CAPZB: variants seen among roughly 807,000 people sequenced by gnomAD.
The protein encoded by CAPZB is F-actin-capping protein subunit beta.
A neutral mutation model predicts 38.1 loss-of-function variants in CAPZB; 2 were observed. The ratio of observed to expected loss-of-function variants is 0.05; its 90% CI spans 0.02 to 0.17. The LOEUF (loss-of-function observed/expected upper bound fraction) is 0.17, where lower values mean the gene tolerates loss of function less well. Ranked by LOEUF, CAPZB falls within the 10% of genes least tolerant of loss-of-function variation. CAPZB has a pLI of 1.00. For missense variants in CAPZB, 161 were observed against 334.2 expected (o/e 0.48, Z 4.04); for synonymous variants, 107 against 127.4 (o/e 0.84, Z 1.08).
chr1:19,442,009 C>CA (rs11384902), intron 1 of CAPZB, among the ~76,000 whole-genome samples: 47,022 of 85,738 alleles, frequency 0.55, 13,996 homozygotes, highest in Non-Finnish European at 0.62. Flanking sequence ...ACTCTGTCTC[C>CA]AAAAAAAAAA....
chr1:19,402,845 C>T (rs1368309596), intron 2 of CAPZB, among the ~76,000 whole-genome samples: 5 of 152,010 alleles, frequency 3.3e-5, no homozygotes, highest in East Asian at 1.9e-4. Context: ...GTCAGGAGTT[C>T]GAGACCAGCA....
intron 4 of CAPZB, among the ~76,000 whole-genome samples, chr1:19,361,761 CGTT>C (rs1269642108): frequency 6.6e-6 from 1 of 152,150 alleles, no homozygotes; most frequent in Non-Finnish European, 1.5e-5. Flanking sequence ...TGTGCTAAAA[CGTT>C]GTCTGAAACC....
At chr1:19,476,358 G>A (rs1324372501) in intron 1 of CAPZB, among the ~76,000 whole-genome samples, 1 of 152,050 alleles carries the variant, frequency 6.6e-6, no homozygotes, top group Non-Finnish European at 1.5e-5. Context: ...TGAGGCTACA[G>A]TGAGCCAAGA....
At chr1:19,457,346 C>T (rs531588890) in intron 1 of CAPZB, among the ~76,000 whole-genome samples, 3 of 152,140 alleles carry the variant, frequency 2.0e-5, no homozygotes, top group Non-Finnish European at 2.9e-5. Context: ...CCGCAGTGCT[C>T]GCTTCCGGGC....
chr1:19,379,428 T>C (rs2094162109), intron 3 of CAPZB, among the ~76,000 whole-genome samples: 1 of 152,230 alleles, frequency 6.6e-6, no homozygotes, highest in South Asian at 2.1e-4. Context: ...GTTCAACAGA[T>C]GCCCCTCTCT....
intron 4 of CAPZB, among the ~76,000 whole-genome samples, chr1:19,367,566 G>A (rs1458430126): frequency 6.6e-6 from 1 of 152,202 alleles, no homozygotes; most frequent in Non-Finnish European, 1.5e-5. Flanking sequence ...AACCACCCTT[G>A]TTTGTGTGTT....
intron 1 of CAPZB, among the ~76,000 whole-genome samples, chr1:19,469,590 T>C (rs1451012468): frequency 6.6e-6 from 1 of 151,964 alleles, no homozygotes; most frequent in African/African-American, 2.4e-5. Context: ...CAGAGGGCTC[T>C]GGGGACAGGC....
chr1:19,479,321 T>C (rs969441074), intron 1 of CAPZB, among the ~76,000 whole-genome samples: 1 of 152,208 alleles, frequency 6.6e-6, no homozygotes, highest in African/African-American at 2.4e-5. Context: ...CAGAACCTAA[T>C]GCTGTGTGCA....
chr1:19,405,001 T>C (rs1301824620), intron 2 of CAPZB, among the ~76,000 whole-genome samples: 1 of 152,096 alleles, frequency 6.6e-6, no homozygotes, highest in Non-Finnish European at 1.5e-5. Context: ...CCCAGCTAAC[T>C]CATGACTCCG....
At chr1:19,447,085 T>C (rs1328429412) in intron 1 of CAPZB, among the ~76,000 whole-genome samples, 1 of 152,112 alleles carries the variant, frequency 6.6e-6, no homozygotes. Context: ...CACTCAAGAT[T>C]ATGGTGGCCC....
chr1:19,475,599 A>G (rs946110750), intron 1 of CAPZB, among the ~76,000 whole-genome samples: 6 of 152,186 alleles, frequency 3.9e-5, no homozygotes, highest in African/African-American at 1.4e-4. Flanking sequence ...CTCGACTGAG[A>G]GCCTGACACT....
Position 19,357,749 on chromosome 1 carries a change from G to A in CAPZB, c.330-186C>T, listed in dbSNP as rs933294622. On this transcript the variant is annotated intron_variant, in intron 4 of 8. Coordinates refer to ENST00000264202, the MANE Select transcript of CAPZB (RefSeq NM_004930.5). This position sits in a 1 kb window ranked among gnomAD's most constrained non-coding sequence, Gnocchi z 4.3. ...GAGGGGGTGCAGCATTCCTGGGGGT[G>A]TAGTAGGTTTAGGCGTCATAAAGAT... Among the ~76,000 whole-genome samples the A allele has an allele frequency of 6.6e-6, 1 of 152,058 alleles. No individual in the cohort carries two copies. The highest frequency in any genetic ancestry group is 6.6e-5 in the Admixed American group (1 of 15,258).
intron 2 of CAPZB, among the ~76,000 whole-genome samples, chr1:19,411,153 A>G (rs1366857853): frequency 6.6e-6 from 1 of 152,178 alleles, no homozygotes; most frequent in Non-Finnish European, 1.5e-5. Context: ...GCTTGAGTTC[A>G]GAAGTTTGAG....
chr1:19,440,541 A>G (rs2094472452), intron 1 of CAPZB, among the ~76,000 whole-genome samples: 1 of 152,180 alleles, frequency 6.6e-6, no homozygotes. Context: ...CTGAATGGCA[A>G]CCACTAGATT....
At chr1:19,404,704 G>A (rs921977577) in intron 2 of CAPZB, among the ~76,000 whole-genome samples, 7 of 152,030 alleles carry the variant, frequency 4.6e-5, no homozygotes, top group Non-Finnish European at 1.0e-4. Context: ...ACAGGGAAAC[G>A]CAGGCTGCTT....
At chr1:19,369,227 C>T (rs777517400) in intron 4 of CAPZB, among the ~76,000 whole-genome samples, 7 of 152,358 alleles carry the variant, frequency 4.6e-5, no homozygotes, top group Admixed American at 1.3e-4. Context: ...AACCCCAGGA[C>T]AGGGGGCAAC....
intron 1 of CAPZB, among the ~76,000 whole-genome samples, chr1:19,443,060 A>G (rs2094483706): frequency 6.6e-6 from 1 of 152,050 alleles, no homozygotes; most frequent in Non-Finnish European, 1.5e-5. Flanking sequence ...CTTCTCTACA[A>G]TGACCTTTCT....
At chr1:19,476,217 T>C (rs112270419) in intron 1 of CAPZB, among the ~76,000 whole-genome samples, 3,843 of 74,912 alleles carry the variant, frequency 0.051, 151 homozygotes, top group African/African-American at 0.13. Flanking sequence ...GATAGATAGA[T>C]AGATAGATAG....
At chr1:19,425,444 T>C (rs1017255151) in intron 1 of CAPZB, among the ~76,000 whole-genome samples, 2 of 151,416 alleles carry the variant, frequency 1.3e-5, no homozygotes, top group Admixed American at 6.6e-5. Flanking sequence ...AAAATCAGTG[T>C]GGAAAAAAAA....
Sources: allele counts gnomAD v4.1 joint callset (sites outside exome capture counted in the v4.1 genomes callset), GRCh38; gene constraint gnomAD v4.1.1; non-coding constraint Gnocchi (gnomAD v3.1); transcripts MANE v1.5; gene names NCBI Gene and HGNC (gene_info 2026-07-23, HGNC 2026-07-21).